The following NAV1 variants were observed in gnomAD, a reference collection of about 807,000 sequenced individuals.
The protein encoded by NAV1 is neuron navigator 1, also known as pore membrane and/or filament interacting like protein 3.
Under a neutral mutation model 175.2 loss-of-function variants are expected in NAV1, and 18 were observed. The ratio of observed to expected loss-of-function variants is 0.10; its 90% CI spans 0.07 to 0.15. The LOEUF (loss-of-function observed/expected upper bound fraction) is 0.15. Ranked by LOEUF, NAV1 falls within the 10% of genes least tolerant of loss-of-function variation. NAV1 has a pLI of 1.00. For synonymous variants in NAV1, 897 were observed against 978.7 expected, an observed-to-expected ratio of 0.92 and a Z score of 1.56; for missense variants, 1,731 against 2,436.6, an observed-to-expected ratio of 0.71 and a Z score of 6.10.
chr1:201,570,322 T>C (rs1206516766), intron 1 of NAV1, among the ~76,000 whole-genome samples: 5 of 152,176 alleles, frequency 3.3e-5, no homozygotes, highest in African/African-American at 1.2e-4. Flanking sequence ...AGGAGAATGC[T>C]TGGCAAGACA....
chr1:201,818,268 C>G (rs1245572416), intron 29 of NAV1, among the ~76,000 whole-genome samples: 1 of 152,102 alleles, frequency 6.6e-6, no homozygotes, highest in Admixed American at 6.5e-5. Context: ...GTGGCTCACA[C>G]CTGTAATCCA....
chr1:201,679,954 T>A (rs551898756), intron 1 of NAV1, among the ~76,000 whole-genome samples: 1 of 152,284 alleles, frequency 6.6e-6, no homozygotes, highest in East Asian at 1.9e-4. Context: ...CTCATGGGAG[T>A]GTTTATCTTA....
At chr1:201,605,540 T>C (rs1051723788) in intron 2 of NAV1, among the ~76,000 whole-genome samples, 2 of 152,058 alleles carry the variant, frequency 1.3e-5, no homozygotes, top group Non-Finnish European at 2.9e-5. Context: ...TGTGGGGATA[T>C]AAACTCTAGC....
At chr1:201,682,767 G>A (rs1670516440) in intron 1 of NAV1, among the ~76,000 whole-genome samples, 1 of 151,904 alleles carries the variant, frequency 6.6e-6, no homozygotes, top group Admixed American at 6.6e-5. Flanking sequence ...CAAGTCCATG[G>A]TGTTCAAGGG....
chr1:201,568,717 A>G (rs1007084700), intron 1 of NAV1, among the ~76,000 whole-genome samples: 5 of 152,194 alleles, frequency 3.3e-5, no homozygotes, highest in African/African-American at 1.2e-4. Context: ...TATAATATAT[A>G]AACAATGCGT....
chr1:201,560,358 T>C (rs1426258772), intron 1 of NAV1, among the ~76,000 whole-genome samples: 1 of 152,212 alleles, frequency 6.6e-6, no homozygotes, highest in Non-Finnish European at 1.5e-5. Context: ...CTTCTTCCCT[T>C]TGGGTTATGG....
chr1:201,543,480 C>T (rs1665573817), intron 1 of NAV1, among the ~76,000 whole-genome samples: 1 of 149,672 alleles, frequency 6.7e-6, no homozygotes. Flanking sequence ...CTCTTTTAGT[C>T]CTGGGATAAA....
intron 9 of NAV1, among the ~76,000 whole-genome samples, chr1:201,786,850 C>G (rs1377170974): frequency 5.3e-5 from 8 of 152,130 alleles, no homozygotes; most frequent in Non-Finnish European, 1.0e-4. Context: ...AACCCAAAGC[C>G]CAGAGATCAG....
intron 1 of NAV1, among the ~76,000 whole-genome samples, chr1:201,557,821 A>G (rs1666075292): frequency 2.0e-5 from 3 of 152,184 alleles, no homozygotes; most frequent in Non-Finnish European, 4.4e-5. Context: ...AAAGCACTCT[A>G]TGTAGTTTCT....
intron 1 of NAV1, among the ~76,000 whole-genome samples, chr1:201,695,829 C>T (rs986379811): frequency 6.6e-6 from 1 of 152,252 alleles, no homozygotes; most frequent in African/African-American, 2.4e-5. Context: ...CCTGAGACCC[C>T]ACCCTGCCAC....
At position 201,568,013 on chromosome 1, in the gene NAV1, G is replaced by A. The variant is rs373482724; in HGVS notation, c.-143-20526G>A. On this transcript the variant is annotated intron_variant, in intron 1 of 33. Transcript: ENST00000685211. ...CTCCCCTTCGCCAAGACCCTGCCATGCAAATTGAGTACATAAACCACCTGT... is the reference window on the plus strand; with the variant it reads ...CTCCCCTTCGCCAAGACCCTGCCATACAAATTGAGTACATAAACCACCTGT... 1.1e-4 allele frequency among the ~76,000 whole-genome samples: 16 copies of A among 152,288 alleles called. No individual in the cohort carries two copies. The East Asian group carries it at 2.7e-3, about 26-fold the overall frequency.
intron 3 of NAV1, among the ~76,000 whole-genome samples, chr1:201,756,099 C>CT (rs1674442230): frequency 7.7e-6 from 1 of 129,906 alleles, no homozygotes; most frequent in South Asian, 2.4e-4. Context: ...GAGTGAAACT[C>CT]TGTCTCAAAA....
intron 1 of NAV1, among the ~76,000 whole-genome samples, chr1:201,573,918 C>T (rs923435012): frequency 3.9e-5 from 6 of 151,964 alleles, no homozygotes; most frequent in South Asian, 4.2e-4. Context: ...TAGCCAGGCA[C>T]GGTGGCACGT....
At chr1:201,580,655 C>A (rs927059097) in intron 1 of NAV1, among the ~76,000 whole-genome samples, 2 of 152,158 alleles carry the variant, frequency 1.3e-5, no homozygotes, top group Non-Finnish European at 2.9e-5. Flanking sequence ...CGCCTGTAAT[C>A]CTAGCTATTC....
chr1:201,788,453 C>T lies in NAV1; in HGVS notation c.2996-15C>T. ...CCTGCTCCCTCTCCTGTCCCCCTTC[C>T]CTCTGTCCTTCCAGTGAGTCCCACT... On this transcript the variant is annotated splice_polypyrimidine_tract_variant and intron_variant, in intron 9 of 29. Transcript: ENST00000367296. The surrounding 1 kb of genome is among the most constrained non-coding windows in gnomAD (Gnocchi z 5.7). 6.2e-7 allele frequency: 1 copy of T among 1,613,922 alleles called. No individual in the cohort carries two copies. The highest frequency in any genetic ancestry group is 8.5e-7 in the Non-Finnish European group (1 of 1,179,970).
chr1:201,800,817 CTT>C (rs61404613), intron 15 of NAV1, among the ~76,000 whole-genome samples: 1,099 of 90,734 alleles, frequency 0.012, 8 homozygotes, highest in South Asian at 0.044. Flanking sequence ...CTTGGTGTAT[CTT>C]TTTTTTTTTT....
intron 1 of NAV1, among the ~76,000 whole-genome samples, chr1:201,684,929 T>C: frequency 7.1e-6 from 1 of 141,800 alleles, no homozygotes; most frequent in East Asian, 2.1e-4. Flanking sequence ...GCTACTGCAC[T>C]CCAGCCTGGG....
At chr1:201,709,162 C>A (rs1467802640) in intron 1 of NAV1, among the ~76,000 whole-genome samples, 24 of 134,474 alleles carry the variant, frequency 1.8e-4, no homozygotes, top group Admixed American at 1.0e-3. Flanking sequence ...AAAAAAAAAA[C>A]CATTGAACTT....
chr1:201,803,895 A>G (rs528882720), intron 16 of NAV1, among the ~76,000 whole-genome samples, 181 bp downstream of exon 20: 1 of 152,028 alleles, frequency 6.6e-6, no homozygotes, highest in African/African-American at 2.4e-5. Flanking sequence ...ATCATTTCCT[A>G]CTTGTCCCCA....
Sources: gnomAD v4.1 joint callset for allele counts (sites outside exome capture counted in the v4.1 genomes callset) on GRCh38, gnomAD v4.1.1 for gene constraint, Gnocchi (gnomAD v3.1) non-coding constraint, MANE v1.5 for transcripts, NCBI Gene and HGNC (gene_info 2026-07-23, HGNC 2026-07-21) for gene names.